Variants in ZDHHC15 observed in about 807,000 individuals in gnomAD.
ZDHHC15 encodes the protein palmitoyltransferase ZDHHC15.
In ZDHHC15, 19 loss-of-function variants were observed where a neutral mutation model predicts 31.7. That is an observed-to-expected ratio of 0.60 (90% CI 0.42 to 0.88). The LOEUF (loss-of-function observed/expected upper bound fraction) is 0.88, where lower values mean the gene tolerates loss of function less well. Ranked by LOEUF, ZDHHC15 falls within the 40% of genes least tolerant of loss-of-function variation. The probability of loss-of-function intolerance (pLI) is 0.00; values close to 1 mark genes in which losing one functional copy is unlikely to be tolerated. For missense variants in ZDHHC15, 209 were observed against 251.2 expected (o/e 0.83, Z 1.14); for synonymous variants, 103 against 90.0 (o/e 1.14, Z -0.82).
intron 1 of ZDHHC15, among the ~76,000 whole-genome samples, chrX:75,518,369 C>T (rs991527014): frequency 8.1e-5 from 9 of 110,640 alleles, no homozygotes; most frequent in African/African-American, 3.0e-4. Flanking sequence ...CAAACAAGTA[C>T]ATAAAAAGAT....
chrX:75,455,016 A>T (rs1160675923), intron 3 of ZDHHC15, among the ~76,000 whole-genome samples: 1 of 111,388 alleles, frequency 9.0e-6, no homozygotes, highest in African/African-American at 3.3e-5. Flanking sequence ...GGAAAAAACT[A>T]CTTTAAAGTT....
chrX:75,505,925 A>G, intron 1 of ZDHHC15, 78 bp from the exon 2 acceptor site: 3 of 941,074 alleles, frequency 3.2e-6, no homozygotes, highest in Non-Finnish European at 3.0e-6. Flanking sequence ...AATTAGTTAT[A>G]TTTAAAAAGT....
intron 3 of ZDHHC15, among the ~76,000 whole-genome samples, chrX:75,464,989 C>T (rs770510310): frequency 9.0e-6 from 1 of 111,720 alleles, no homozygotes; most frequent in African/African-American, 3.3e-5. Flanking sequence ...AAAGGGCATT[C>T]AAATAGGAAT....
At chrX:75,480,375 T>C (rs1431625309) in intron 2 of ZDHHC15, among the ~76,000 whole-genome samples, 4 of 111,857 alleles carry the variant, frequency 3.6e-5, no homozygotes, top group Non-Finnish European at 5.6e-5. Flanking sequence ...GATCCTCTTA[T>C]TTGTATATGT....
At chrX:75,460,526 G>C (rs1013992031) in intron 3 of ZDHHC15, among the ~76,000 whole-genome samples, 3 of 110,202 alleles carry the variant, frequency 2.7e-5, no homozygotes, top group African/African-American at 9.9e-5. Flanking sequence ...CCTCCTATAG[G>C]TGCATTTGGG....
chrX:75,500,671 C>A (rs949123307), intron 2 of ZDHHC15, among the ~76,000 whole-genome samples: 1 of 109,389 alleles, frequency 9.1e-6, no homozygotes, highest in Admixed American at 9.9e-5. Context: ...ATTTAAATGT[C>A]TTTTAGGAGT....
At position 75,477,631 on chromosome X, in the gene ZDHHC15, T is replaced by G. The variant is rs1441090973; in HGVS notation, c.258+1260A>C. ...GTCCTTCTTCGTCTCTTGTAACATTTTTTTACTTAAAGAGTCTTTGTTGTA... is the reference window on the plus strand; with the variant it reads ...GTCCTTCTTCGTCTCTTGTAACATTGTTTTACTTAAAGAGTCTTTGTTGTA... On this transcript the variant is annotated intron_variant, in intron 3 of 11. Transcript: ENST00000373367. 2.7e-5 allele frequency among the ~76,000 whole-genome samples: 3 copies of G among 112,014 alleles called. No individual in the cohort carries two copies. In the Admixed American group the frequency reaches 2.8e-4, roughly 11 times the overall value.
intron 10 of ZDHHC15, among the ~76,000 whole-genome samples, chrX:75,382,037 C>T (rs1030010623): frequency 8.9e-6 from 1 of 112,115 alleles, no homozygotes; most frequent in Admixed American, 9.5e-5. Context: ...ACAATTCCCA[C>T]ATGTATCACA....
At chrX:75,419,383 A>G (rs1602594097) in intron 9 of ZDHHC15, among the ~76,000 whole-genome samples, 2 of 112,234 alleles carry the variant, frequency 1.8e-5, no homozygotes, top group African/African-American at 6.5e-5. Flanking sequence ...AGAAATGCAA[A>G]TCAAAACCAC....
intron 10 of ZDHHC15, among the ~76,000 whole-genome samples, chrX:75,403,590 C>T (rs2083380580): frequency 1.8e-5 from 2 of 111,777 alleles, no homozygotes; most frequent in Admixed American, 1.9e-4. Context: ...CAACAACAGT[C>T]AAACCAAGAG....
At chrX:75,485,814 G>C in intron 2 of ZDHHC15, among the ~76,000 whole-genome samples, 1 of 112,439 alleles carries the variant, frequency 8.9e-6, no homozygotes, top group Non-Finnish European at 1.9e-5. Flanking sequence ...CTTACGCTAA[G>C]TTATCCATTT....
At chrX:75,518,086 T>A (rs377583922) in intron 1 of ZDHHC15, among the ~76,000 whole-genome samples, 1 of 110,236 alleles carries the variant, frequency 9.1e-6, no homozygotes, top group Non-Finnish European at 1.9e-5. Context: ...CATTTGGTAA[T>A]GGATTCTTAA....
intron 3 of ZDHHC15, among the ~76,000 whole-genome samples, chrX:75,473,410 A>G (rs2084535117): frequency 9.0e-6 from 1 of 110,702 alleles, no homozygotes; most frequent in South Asian, 3.9e-4. Context: ...CACTAGCAAA[A>G]TTTTTGCTTC....
intron 5 of ZDHHC15, among the ~76,000 whole-genome samples, chrX:75,431,000 T>C (rs771275060): frequency 9.0e-6 from 1 of 111,722 alleles, no homozygotes; most frequent in South Asian, 3.8e-4. Context: ...GACATCACTA[T>C]TAAATGTAAT....
rs751518520 is a variant in ZDHHC15, at chrX:75,431,524, T to TAA, written c.380-6_380-5dup. On this transcript the variant is annotated splice_region_variant and splice_polypyrimidine_tract_variant and intron_variant, in intron 4 of 11. Coordinates refer to ENST00000373367, the MANE Select transcript of ZDHHC15 (RefSeq NM_144969.3). ...CACCGGTCACAGAATCGTACAGCTA[T>TAA]AAAAAAAAAAATAAGGTGGTTAGCA... The TAA allele has an allele frequency of 7.5e-6, 7 of 936,247 alleles. No individual in the cohort carries two copies. The highest frequency in any genetic ancestry group is 5.5e-5 in the Admixed American group (2 of 36,547). The allele number at this position is 936,247 out of a possible 1,213,427, so 77.2% of individuals were successfully genotyped here. A position where few individuals can be genotyped will look rare whatever the true frequency, so the allele number is the denominator to read the frequency against.
intron 3 of ZDHHC15, among the ~76,000 whole-genome samples, chrX:75,469,043 G>A (rs1310495201): frequency 4.3e-5 from 3 of 69,667 alleles, no homozygotes; most frequent in Admixed American, 1.6e-4. Flanking sequence ...GTTGTTTGAT[G>A]TACAAAAGGC....
At chrX:75,448,837 A>C (rs1209106253) in intron 4 of ZDHHC15, among the ~76,000 whole-genome samples, 2 of 110,737 alleles carry the variant, frequency 1.8e-5, no homozygotes, top group Admixed American at 1.9e-4. Context: ...GTTAAGTATT[A>C]TTTCTAGGTG....
intron 1 of ZDHHC15, among the ~76,000 whole-genome samples, chrX:75,514,451 C>G (rs1443987369): frequency 8.9e-6 from 1 of 111,950 alleles, no homozygotes; most frequent in South Asian, 3.7e-4. Context: ...GGAACAGCTG[C>G]AGTCTACAGC....
intron 3 of ZDHHC15, among the ~76,000 whole-genome samples, 176 bp from the exon 4 acceptor site, chrX:75,451,098 A>G (rs1287190930): frequency 8.9e-6 from 1 of 112,051 alleles, no homozygotes; most frequent in Non-Finnish European, 1.9e-5. Flanking sequence ...TTTTATCTCA[A>G]TTATCAAAAG....
Sources: gnomAD v4.1 joint callset for allele counts (sites outside exome capture counted in the v4.1 genomes callset) on GRCh38, gnomAD v4.1.1 for gene constraint, MANE v1.5 for transcripts, NCBI Gene and HGNC (gene_info 2026-07-23, HGNC 2026-07-21) for gene names.